The following METTL25 variants were observed in gnomAD, a reference collection of about 807,000 sequenced individuals.
The protein encoded by METTL25 is methyltransferase like 25, also known as probable methyltransferase-like protein 25.
A neutral mutation model predicts 71.6 loss-of-function variants in METTL25; 64 were observed. The observed-to-expected ratio is 0.89, with a 90% CI of 0.73 to 1.10. The LOEUF is 1.10. Ranked by LOEUF, METTL25 falls within the 50% of genes least tolerant of loss-of-function variation. METTL25 has a pLI of 0.00. For missense variants in METTL25, 807 were observed against 707.0 expected (o/e 1.14, Z -1.60); for synonymous variants, 287 against 250.3 (o/e 1.15, Z -1.38).
At chr12:82,362,110 C>T (rs1040758120) in intron 1 of METTL25, among the ~76,000 whole-genome samples, 1 of 152,296 alleles carries the variant, frequency 6.6e-6, no homozygotes, top group Admixed American at 6.5e-5. Context: ...TTCTAAAAGT[C>T]CTCAGTGTGT....
At chr12:82,384,929 C>T (rs1884825330) in intron 1 of METTL25, among the ~76,000 whole-genome samples, 1 of 152,052 alleles carries the variant, frequency 6.6e-6, no homozygotes, top group African/African-American at 2.4e-5. Flanking sequence ...TGTTGAGACT[C>T]CCCTTAAACC....
intron 1 of METTL25, among the ~76,000 whole-genome samples, chr12:82,365,219 A>G (rs896207904): frequency 6.6e-6 from 1 of 152,226 alleles, no homozygotes; most frequent in African/African-American, 2.4e-5. Context: ...TGTGTATGAT[A>G]ATAAATATTA....
chr12:82,401,636 A>G (rs1052984944), intron 4 of METTL25, among the ~76,000 whole-genome samples: 1 of 152,060 alleles, frequency 6.6e-6, no homozygotes, highest in African/African-American at 2.4e-5. Flanking sequence ...TTTCTTTAAC[A>G]TCTCTTAAGT....
At chr12:82,394,198 T>TAGTA in intron 3 of METTL25, among the ~76,000 whole-genome samples, 3 of 152,228 alleles carry the variant, frequency 2.0e-5, no homozygotes, top group Admixed American at 2.0e-4. Context: ...AAATGTCTAC[T>TAGTA]ATGTCCATTT....
At chr12:82,416,029 A>G (rs1288345318) in intron 5 of METTL25, among the ~76,000 whole-genome samples, 2 of 152,082 alleles carry the variant, frequency 1.3e-5, no homozygotes, top group Non-Finnish European at 2.9e-5. Context: ...TCATACATAG[A>G]GTCTATATCT....
chr12:82,394,758 C>T (rs945313485), intron 3 of METTL25, among the ~76,000 whole-genome samples: 2 of 151,868 alleles, frequency 1.3e-5, no homozygotes, highest in African/African-American at 4.8e-5. Context: ...AAGGGAGGAG[C>T]TTATCTGGGG....
chr12:82,398,108 T>C (rs910266995), intron 3 of METTL25, among the ~76,000 whole-genome samples: 3 of 152,004 alleles, frequency 2.0e-5, no homozygotes, highest in Non-Finnish European at 2.9e-5. Flanking sequence ...TATATCTCTT[T>C]ATATCAATTT....
At chr12:82,441,806 A>AAC (rs57098687) in intron 8 of METTL25, among the ~76,000 whole-genome samples, 137 of 133,982 alleles carry the variant, frequency 1.0e-3, no homozygotes, top group African/African-American at 3.1e-3. Context: ...AAAAAATAGA[A>AAC]ACACACACAC....
rs762392189 is a variant in METTL25 at position 82,452,272 on chromosome 12, A to T, written c.1479-4455A>T. On this transcript the variant is annotated intron_variant, in intron 8 of 11. Coordinates refer to ENST00000248306, the MANE Select transcript of METTL25 (RefSeq NM_032230.3). The stretch of plus-strand genomic sequence containing the variant: ...CCATATTCCTTTTGTGAATAATCCT[A>T]TTCTGCCCTTTTATTTTCTGTTTAA... 2.6e-5 allele frequency among the ~76,000 whole-genome samples: 4 copies of T among 152,196 alleles called. No homozygotes were observed. The South Asian group carries it at 8.3e-4, about 32-fold the overall frequency.
At chr12:82,441,241 T>G (rs566879694) in intron 8 of METTL25, among the ~76,000 whole-genome samples, 8 of 151,836 alleles carry the variant, frequency 5.3e-5, no homozygotes, top group African/African-American at 1.9e-4. Context: ...AGAAATAAAT[T>G]CCCTCTGGAC....
chr12:82,414,882 T>G (rs952388144), intron 5 of METTL25, among the ~76,000 whole-genome samples: 1 of 152,172 alleles, frequency 6.6e-6, no homozygotes, highest in Non-Finnish European at 1.5e-5. Context: ...TGCCTAAATT[T>G]TCTTCATTAT....
Position 82,368,711 on chromosome 12 carries a change from A to G in METTL25, c.259+9887A>G, listed in dbSNP as rs536691104. Among the ~76,000 whole-genome samples, 3 of 152,344 alleles carry G rather than the reference A, an allele frequency of 2.0e-5. No individual in the cohort carries two copies. The East Asian group carries it at 5.8e-4, about 29-fold the overall frequency. On this transcript the variant is annotated intron_variant, in intron 1 of 11. Coordinates refer to ENST00000248306, the MANE Select transcript of METTL25 (RefSeq NM_032230.3). ...AGTTCTCAAATCCTAGGGAAATACA[A>G]TGATTTAAATATTTTATCCTCAGAC...
rs1350233612 is a variant in METTL25, at chr12:82,399,314, A to G, written c.1051A>G (p.Ser351Gly). Residue 351 changes from serine to glycine, a missense_variant, in exon 4 of 12, where the codon AGT becomes GGT. Transcript: ENST00000248306. The stretch of plus-strand genomic sequence containing the variant: ...GAGAAGAAAAATGACATCAAAGTCA[A>G]GTGAATCAAATATATATTCACCTTT... ...KERRKMTSKS[S>G]ESNIYSPLTS... The G allele has an allele frequency of 6.2e-7, 1 of 1,612,254 alleles. No individual in the cohort carries two copies. The highest frequency in any genetic ancestry group is 1.7e-5 in the Admixed American group (1 of 59,876).
rs1045023613 is a variant in METTL25 at position 82,460,918 on chromosome 12, C to T, written c.1572+4098C>T. Among the ~76,000 whole-genome samples the T allele has an allele frequency of 2.0e-4, 31 of 152,212 alleles. 1 individual carries two copies. The highest frequency in any genetic ancestry group is 7.9e-4 in the Admixed American group (12 of 15,284). On this transcript the variant is annotated intron_variant, in intron 9 of 11. Coordinates refer to ENST00000248306, the MANE Select transcript of METTL25 (RefSeq NM_032230.3). ...CAGCACTTTGGGAGGCCAAGGCGGG[C>T]GGATCACAAGGTTAGGAGATGGAGA...
intron 8 of METTL25, chr12:82,439,834 G>A (rs1479136715): frequency 7.3e-6 from 7 of 952,424 alleles, no homozygotes; most frequent in Non-Finnish European, 8.7e-6. Flanking sequence ...TTTACTACCT[G>A]CCTTCTTTAA....
At chr12:82,379,397 T>G (rs1231463156) in intron 1 of METTL25, among the ~76,000 whole-genome samples, 1 of 152,236 alleles carries the variant, frequency 6.6e-6, no homozygotes, top group Non-Finnish European at 1.5e-5. Flanking sequence ...AACAAAATTA[T>G]ATTTGATTTA....
intron 9 of METTL25, among the ~76,000 whole-genome samples, chr12:82,461,154 G>GTA (rs1448256629): frequency 6.6e-6 from 1 of 151,952 alleles, no homozygotes; most frequent in African/African-American, 2.4e-5. Flanking sequence ...AAAAAAATAT[G>GTA]TATATATATA....
chr12:82,392,151 A>G (rs968768121), intron 3 of METTL25, among the ~76,000 whole-genome samples: 1 of 150,164 alleles, frequency 6.7e-6, no homozygotes, highest in African/African-American at 2.4e-5. Flanking sequence ...CATGTGCAGA[A>G]TGTGCAGGTT....
intron 1 of METTL25, among the ~76,000 whole-genome samples, chr12:82,385,306 A>G (rs890955208): frequency 6.6e-6 from 1 of 152,010 alleles, no homozygotes; most frequent in Non-Finnish European, 1.5e-5. Flanking sequence ...TAACATCACT[A>G]TTTTTTGTGT....
Sources: gnomAD v4.1 joint callset for allele counts (sites outside exome capture counted in the v4.1 genomes callset) on GRCh38, gnomAD v4.1.1 for gene constraint, MANE v1.5 for transcripts, NCBI Gene and HGNC (gene_info 2026-07-23, HGNC 2026-07-21) for gene names.